The following COLGALT2 variants were observed in gnomAD, a reference collection of about 807,000 sequenced individuals.
COLGALT2 encodes the protein procollagen galactosyltransferase 2.
A neutral mutation model predicts 73.4 loss-of-function variants in COLGALT2; 49 were observed. The ratio of observed to expected loss-of-function variants is 0.67; its 90% CI spans 0.53 to 0.85. COLGALT2 has a LOEUF of 0.85. Ranked by LOEUF, COLGALT2 falls within the 40% of genes least tolerant of loss-of-function variation. The probability of loss-of-function intolerance (pLI) is 0.00; values close to 1 mark genes in which losing one functional copy is unlikely to be tolerated. For synonymous variants in COLGALT2, 295 were observed against 307.6 expected (o/e 0.96, Z 0.43); for missense variants, 722 against 790.2 (o/e 0.91, Z 1.03).
In COLGALT2 at chr1:183,930,576, T is replaced by TC. The variant is rs1558303611; in HGVS notation, c.1605-288_1605-287insG. ...TGCTAATTTTTTCTTTTTCTTTTTT[T>TC]TTTTTTTTTTTTTTGTATTTTTTAT... is the stretch of plus-strand genomic sequence containing the variant. On this transcript the variant is annotated intron_variant, in intron 11 of 11. Coordinates refer to the COLGALT2 transcript ENST00000649786. Among the ~76,000 whole-genome samples, 3 of 141,720 alleles carry TC rather than the reference T, an allele frequency of 2.1e-5. 1 individual carries two copies. Among genetic ancestry groups the TC allele is most frequent in the Non-Finnish European group, 4.6e-5 (3 of 65,696 alleles). 93.0% of individuals were successfully genotyped at this position (141,720 alleles called of 152,430 possible).
At chr1:183,982,217 C>T (rs1341162618) in intron 1 of COLGALT2, among the ~76,000 whole-genome samples, 1 of 152,050 alleles carries the variant, frequency 6.6e-6, no homozygotes, top group Non-Finnish European at 1.5e-5. Flanking sequence ...TTGAGGGATA[C>T]CAGGTGAGCA....
At chr1:183,956,672 G>A (rs1670562941) in intron 6 of COLGALT2, among the ~76,000 whole-genome samples, 1 of 152,160 alleles carries the variant, frequency 6.6e-6, no homozygotes. Flanking sequence ...TTCAGCCAAA[G>A]AGACTGCTTT....
At chr1:183,945,996 GT>G (rs760705933) in intron 8 of COLGALT2, 7 of 157,172 alleles carry the variant, frequency 4.5e-5, no homozygotes, top group Non-Finnish European at 8.4e-5. Flanking sequence ...TTGAAAACCA[GT>G]AGCCTCACAA....
intron 6 of COLGALT2, among the ~76,000 whole-genome samples, chr1:183,956,978 C>T (rs1043440796): frequency 1.3e-5 from 2 of 152,102 alleles, no homozygotes; most frequent in Admixed American, 1.3e-4. Flanking sequence ...CTGACTCCAT[C>T]TTTCATAATT....
At chr1:183,975,842 T>C (rs1213343103) in intron 2 of COLGALT2, among the ~76,000 whole-genome samples, 1 of 152,218 alleles carries the variant, frequency 6.6e-6, no homozygotes, top group Non-Finnish European at 1.5e-5. Context: ...AAAACCCTTC[T>C]GAAGGCACCC....
intron 5 of COLGALT2, 120 bp from the exon 6 acceptor site, chr1:183,964,140 G>T: frequency 9.2e-7 from 1 of 1,088,868 alleles, no homozygotes; most frequent in Non-Finnish European, 1.3e-6. Flanking sequence ...TAAATAAGTG[G>T]TTGTTTCAGG....
At chr1:183,985,307 T>A (rs567383045) in intron 1 of COLGALT2, among the ~76,000 whole-genome samples, 1 of 152,284 alleles carries the variant, frequency 6.6e-6, no homozygotes, top group East Asian at 1.9e-4. Context: ...AGTTTCACTC[T>A]TGTTGCCCAG....
intron 1 of COLGALT2, among the ~76,000 whole-genome samples, chr1:184,009,917 A>G (rs1199487874): frequency 6.6e-6 from 1 of 152,176 alleles, no homozygotes; most frequent in Non-Finnish European, 1.5e-5. Context: ...GAGCTAAGTA[A>G]CACGAAAGCA....
chr1:183,980,486 T>C (rs1160477760), intron 1 of COLGALT2, among the ~76,000 whole-genome samples: 1 of 151,998 alleles, frequency 6.6e-6, no homozygotes, highest in Non-Finnish European at 1.5e-5. Context: ...TAATAGAAGA[T>C]TTTCCAGAAA....
At chr1:184,011,741 T>A (rs1051575921) in intron 1 of COLGALT2, among the ~76,000 whole-genome samples, 1 of 152,224 alleles carries the variant, frequency 6.6e-6, no homozygotes, top group Admixed American at 6.5e-5. Context: ...TACTTTTAGA[T>A]GGTGTAAACC....
At chr1:183,935,078 C>T (rs539204924), downstream of COLGALT2, among the ~76,000 whole-genome samples, 35 of 152,328 alleles carry the variant, frequency 2.3e-4, no homozygotes, top group South Asian at 2.9e-3. Flanking sequence ...TTTCATAGTC[C>T]TGTCAGGCAA....
intron 4 of COLGALT2, among the ~76,000 whole-genome samples, chr1:183,971,368 TTACTG>T (rs1458234695): frequency 1.3e-5 from 2 of 152,216 alleles, no homozygotes; most frequent in Non-Finnish European, 2.9e-5. Context: ...GAATTTAGTT[TTACTG>T]TACAAAACAA....
rs1558322952 is a variant in COLGALT2 at position 183,977,841 on chromosome 1, G to GAGAGAGAA, written c.374+568_374+569insTTCTCTCT. Among the ~76,000 whole-genome samples the GAGAGAGAA allele has an allele frequency of 1.3e-3, 178 of 133,876 alleles. 1 individual carries two copies. Among genetic ancestry groups the GAGAGAGAA allele is most frequent in the African/African-American group, 5.1e-3 (169 of 32,890 alleles). 87.8% of individuals were successfully genotyped at this position (133,876 alleles called of 152,430 possible). A position where few individuals can be genotyped will look rare whatever the true frequency, so the allele number is the denominator to read the frequency against. ...GAGAGAGAGAGAGAGAGAGAAAGAA[G>GAGAGAGAA]AGAAGAGAAGCGAAGAAAAGAAAAG... On this transcript the variant is annotated intron_variant, in intron 2 of 11. Transcript: ENST00000361927.
chr1:183,933,647 A>T (rs549576326), downstream of COLGALT2, among the ~76,000 whole-genome samples: 9 of 152,048 alleles, frequency 5.9e-5, no homozygotes, highest in South Asian at 1.9e-3. Flanking sequence ...AGAGCTGCCC[A>T]CTCCACTTTG....
intron 1 of COLGALT2, among the ~76,000 whole-genome samples, chr1:184,035,736 G>T (rs1034664253): frequency 6.6e-6 from 1 of 152,058 alleles, no homozygotes; most frequent in Non-Finnish European, 1.5e-5. Context: ...AACAACTAAG[G>T]TAACTGATAT....
At chr1:183,946,603 G>C (rs1572630978) in intron 8 of COLGALT2, 1 of 152,212 alleles carries the variant, frequency 6.6e-6, no homozygotes, top group South Asian at 2.1e-4. Context: ...TAGGTTGAAA[G>C]TAAAAGAATA....
rs1276753110 is a variant in COLGALT2, at chr1:183,936,075, C to G, written c.*2686G>C. Reference sequence around the variant, plus strand: ...AGCAGCACCAGCACTGCTGATGTCACGGTTGTCTGTCCAGAAGATCCCACG... The same window carrying G: ...AGCAGCACCAGCACTGCTGATGTCAGGGTTGTCTGTCCAGAAGATCCCACG... On this transcript the variant is annotated 3_prime_UTR_variant, in exon 12 of 12. Coordinates refer to ENST00000361927, the MANE Select transcript of COLGALT2 (RefSeq NM_015101.4). 1.0e-6 allele frequency: 1 copy of G among 985,470 alleles called. No individual in the cohort carries two copies. Among genetic ancestry groups the G allele is most frequent in the Non-Finnish European group, 1.2e-6 (1 of 829,984 alleles). 61.0% of individuals were successfully genotyped at this position (985,470 alleles called of 1,614,324 possible).
chr1:183,981,930 G>A lies in COLGALT2; in HGVS notation c.264-3410C>T, dbSNP rs1298420850. 5.3e-5 allele frequency among the ~76,000 whole-genome samples: 8 copies of A among 152,184 alleles called. No individual in the cohort carries two copies. The East Asian group carries it at 1.2e-3, about 22-fold the overall frequency. On this transcript the variant is annotated intron_variant, in intron 1 of 11. Coordinates refer to ENST00000361927, the MANE Select transcript of COLGALT2 (RefSeq NM_015101.4). ...AACTATGTAACTTAAGCCATAGGGT[G>A]TAGAAAAATGGGACATAGAGGTATG...
chr1:183,984,373 C>T (rs968240321), intron 1 of COLGALT2, among the ~76,000 whole-genome samples: 7 of 152,212 alleles, frequency 4.6e-5, no homozygotes, highest in African/African-American at 1.7e-4. Context: ...CCACTGCACT[C>T]CAGCCTGGGT....
Sources: gnomAD v4.1 joint callset for allele counts (sites outside exome capture counted in the v4.1 genomes callset) on GRCh38, gnomAD v4.1.1 for gene constraint, MANE v1.5 for transcripts, NCBI Gene and HGNC (gene_info 2026-07-23, HGNC 2026-07-21) for gene names.